KLF8: variants seen among roughly 807,000 people sequenced by gnomAD.
KLF8 encodes KLF transcription factor 8.
A neutral mutation model predicts 18.2 loss-of-function variants in KLF8; 10 were observed. The observed-to-expected ratio is 0.55, with a 90% CI of 0.34 to 0.93. The LOEUF (loss-of-function observed/expected upper bound fraction) is 0.93. Ranked by LOEUF, KLF8 falls within the 40% of genes least tolerant of loss-of-function variation. KLF8 has a pLI of 0.02. For missense variants in KLF8, 264 were observed against 277.9 expected (o/e 0.95, Z 0.36); for synonymous variants, 109 against 97.3 (o/e 1.12, Z -0.71).
chrX:55,919,683 G>T, the KLF8 span, among the ~76,000 whole-genome samples: 1 of 110,896 alleles, frequency 9.0e-6, no homozygotes, highest in Non-Finnish European at 1.9e-5. Flanking sequence ...CATTAGACAG[G>T]GAACCACACC....
chrX:56,205,340 A>T, the KLF8 span, among the ~76,000 whole-genome samples: 1 of 111,994 alleles, frequency 8.9e-6, no homozygotes, highest in Non-Finnish European at 1.9e-5. Context: ...GCATTTCATT[A>T]TGGGAAGATT....
At chrX:56,238,794 T>A (rs922803962) in intron 1 of KLF8, among the ~76,000 whole-genome samples, 1 of 112,110 alleles carries the variant, frequency 8.9e-6, no homozygotes, top group Admixed American at 9.4e-5. Flanking sequence ...TGCAAGGATA[T>A]ATTCCTTAAA....
chrX:56,036,746 T>C, the KLF8 span, among the ~76,000 whole-genome samples: 1 of 111,874 alleles, frequency 8.9e-6, no homozygotes, highest in Non-Finnish European at 1.9e-5. Context: ...AGGAGTTGCA[T>C]TTAATTTGTA....
the KLF8 span, among the ~76,000 whole-genome samples, chrX:55,987,754 A>C: frequency 3.6e-5 from 4 of 112,001 alleles, no homozygotes; most frequent in Admixed American, 3.8e-4. Flanking sequence ...TTTCTAGTTC[A>C]AGATCCCTGA....
At chrX:56,019,519 G>C in the KLF8 span, among the ~76,000 whole-genome samples, 1 of 112,549 alleles carries the variant, frequency 8.9e-6, no homozygotes, top group East Asian at 2.8e-4. Context: ...ACTCTGCAAA[G>C]ACCTATGTTT....
chrX:56,250,433 G>C, intron 2 of KLF8, 129 bp downstream of exon 2: 1 of 502,589 alleles, frequency 2.0e-6, no homozygotes. Context: ...GGTGAAGGAA[G>C]ACATATTTCT....
the KLF8 span, among the ~76,000 whole-genome samples, chrX:56,165,596 G>A: frequency 7.1e-5 from 8 of 112,089 alleles, no homozygotes; most frequent in Non-Finnish European, 1.5e-4. Context: ...TCTGGGCACG[G>A]TGGCTCATGC....
the KLF8 span, among the ~76,000 whole-genome samples, chrX:56,080,309 G>A: frequency 9.0e-6 from 1 of 111,089 alleles, no homozygotes; most frequent in East Asian, 2.8e-4. Flanking sequence ...TCCATGTTTA[G>A]TGCTTCCTTC....
chrX:56,037,627 T>C, the KLF8 span, among the ~76,000 whole-genome samples: 3 of 111,833 alleles, frequency 2.7e-5, no homozygotes, highest in Admixed American at 2.8e-4. Flanking sequence ...CTATTTATTT[T>C]TTCTTGGTTC....
chrX:56,052,370 C>G, the KLF8 span, among the ~76,000 whole-genome samples: 1 of 112,022 alleles, frequency 8.9e-6, no homozygotes, highest in Non-Finnish European at 1.9e-5. Context: ...TCCAGTTTTT[C>G]TGTTCTGTTT....
chrX:55,955,632 T>A, the KLF8 span, among the ~76,000 whole-genome samples: 2 of 111,281 alleles, frequency 1.8e-5, no homozygotes, highest in African/African-American at 6.5e-5. Flanking sequence ...GGCTGTTGAG[T>A]TAATTAAGCT....
At chrX:56,222,703 G>A in the KLF8 span, among the ~76,000 whole-genome samples, 1 of 113,036 alleles carries the variant, frequency 8.8e-6, no homozygotes, top group Non-Finnish European at 1.9e-5. Flanking sequence ...CACCGTGGGG[G>A]CAGGGCATGG....
chrX:55,921,253 C>T, the KLF8 span, among the ~76,000 whole-genome samples: 1 of 112,187 alleles, frequency 8.9e-6, no homozygotes, highest in Admixed American at 9.4e-5. Context: ...TAATTTTCTG[C>T]ATGTGGCTAG....
At chrX:56,116,634 G>GATATATATATATATATAT in the KLF8 span, among the ~76,000 whole-genome samples, 1 of 78,191 alleles carries the variant, frequency 1.3e-5, no homozygotes, top group African/African-American at 4.9e-5. Context: ...ATGATGTTCT[G>GATATATATATATATATAT]ATATATATAT....
chrX:56,251,451 A>G (rs2066710428), intron 2 of KLF8, among the ~76,000 whole-genome samples: 1 of 110,212 alleles, frequency 9.1e-6, no homozygotes, highest in South Asian at 3.7e-4. Context: ...GAATTTTTAT[A>G]TATTTATTTA....
At chrX:55,972,553 A>G in the KLF8 span, among the ~76,000 whole-genome samples, 1 of 111,703 alleles carries the variant, frequency 9.0e-6, no homozygotes, top group South Asian at 3.7e-4. Flanking sequence ...TTTGTAACAC[A>G]GAGGATAAAT....
At chrX:55,949,352 TG>T in the KLF8 span, among the ~76,000 whole-genome samples, 1 of 77,290 alleles carries the variant, frequency 1.3e-5, no homozygotes, top group Admixed American at 1.2e-4. Context: ...TGTGTGTGTG[TG>T]TGTGTGTGTG....
chrX:56,219,767 G>A, the KLF8 span, among the ~76,000 whole-genome samples: 5 of 111,798 alleles, frequency 4.5e-5, no homozygotes, highest in Non-Finnish European at 9.4e-5. Context: ...CAGGAGACTC[G>A]CTTGAACCCA....
the KLF8 span, among the ~76,000 whole-genome samples, chrX:56,128,669 C>G: frequency 0.12 from 13,803 of 111,078 alleles, 1,544 homozygotes; most frequent in African/African-American, 0.36. Flanking sequence ...GGTTTTGCAC[C>G]CATCTATAAG....
Sources: allele counts gnomAD v4.1 joint callset (sites outside exome capture counted in the v4.1 genomes callset), GRCh38; gene constraint gnomAD v4.1.1; transcripts MANE v1.5; gene names NCBI Gene and HGNC (gene_info 2026-07-23, HGNC 2026-07-21).